The following BLK variants were observed in gnomAD, a reference collection of about 807,000 sequenced individuals.
The protein encoded by BLK is tyrosine-protein kinase Blk.
In BLK, 64 loss-of-function variants were observed where a neutral mutation model predicts 61.8. The observed-to-expected ratio is 1.03, with a 90% confidence interval of 0.85 to 1.27. BLK has a LOEUF of 1.27. BLK is among the 50% of genes most tolerant of loss of function. The pLI, the probability that BLK is intolerant of heterozygous loss-of-function variation, is 0.00. For missense variants in BLK, 853 were observed against 660.5 expected (o/e 1.29, Z -3.19); for synonymous variants, 351 against 272.0 (o/e 1.29, Z -2.86).
intron 1 of BLK, among the ~76,000 whole-genome samples, chr8:11,538,212 A>C (rs1022062284): frequency 6.6e-6 from 1 of 152,136 alleles, no homozygotes; most frequent in African/African-American, 2.4e-5. Context: ...AAACATACAC[A>C]GACTCACACC....
chr8:11,537,344 C>G (rs1006083454), intron 1 of BLK, among the ~76,000 whole-genome samples: 1 of 152,110 alleles, frequency 6.6e-6, no homozygotes, highest in African/African-American at 2.4e-5. Flanking sequence ...GCATTGTGAT[C>G]GCGACACCCA....
Position 11,564,086 on chromosome 8 carries a change from G to T in BLK, c.1496G>T (p.Arg499Leu), listed in dbSNP as rs770844410. ...VLEDFYTATERQYELQP is the reference protein window; with the variant it reads ...VLEDFYTATELQYELQP ...GAGGACTTCTACACGGCCACCGAGC[G>T]GCAGTACGAGCTGCAGCCCTAGCCG... The change falls in exon 13 of 13, where the codon CGG (arginine) becomes CTG (leucine). Residue 499 changes from arginine (R) to leucine (L), a missense_variant. Physicochemically the swap from Arg to Leu is moderately radical, Grantham distance 102. Transcript: ENST00000259089. 1.9e-6 allele frequency: 3 copies of T among 1,585,716 alleles called. No individual in the cohort carries two copies. Among genetic ancestry groups the T allele is most frequent in the Middle Eastern group, 1.7e-4 (1 of 5,960 alleles).
At chr8:11,496,435 G>A (rs1202300817) in intron 1 of BLK, among the ~76,000 whole-genome samples, 1 of 152,162 alleles carries the variant, frequency 6.6e-6, no homozygotes, top group African/African-American at 2.4e-5. Flanking sequence ...AAGAGATGGG[G>A]TCTCGCTTTG....
At position 11,554,879 on chromosome 8, in the gene BLK, G is replaced by A. The variant is rs780129239; in HGVS notation, c.609G>A (p.Gln203=). The part of the protein sequence containing the change: ...ITFPSLQALV[Q]HYSKKGDGLC... ...TCCCCTCGCTCCAGGCCCTGGTGCA[G>A]CACTATTCTAGTAAGAGGGGGCGTG... Residue 203 remains glutamine (Q), a synonymous_variant, in exon 7 of 13, where the codon CAG becomes CAA. Transcript: ENST00000259089. 1.2e-6 allele frequency: 2 copies of A among 1,613,294 alleles called. No individual in the cohort carries two copies. The highest frequency in any genetic ancestry group is 1.7e-6 in the Non-Finnish European group (2 of 1,179,980).
chr8:11,530,762 C>T (rs1335929956), intron 1 of BLK, among the ~76,000 whole-genome samples: 3 of 152,078 alleles, frequency 2.0e-5, no homozygotes, highest in Admixed American at 6.6e-5. Context: ...AAGATTTTTC[C>T]AGTTACTGAA....
In BLK at chr8:11,562,838, C is replaced by T. The variant is rs191571437; in HGVS notation, c.1181-141C>T. 8.1e-4 allele frequency: 909 copies of T among 1,129,076 alleles called. 12 individuals are homozygous for T. The South Asian group carries it at 8.6e-3, about 11-fold the overall frequency. The allele number at this position is 1,129,076 out of a possible 1,614,324, so 69.9% of individuals were successfully genotyped here. ...TCCTGGTGTGCGGTAGTGGCTCCCCCGCCATGCCTGGCCGCCCCGCCCTGT... is the reference window on the plus strand; with the variant it reads ...TCCTGGTGTGCGGTAGTGGCTCCCCTGCCATGCCTGGCCGCCCCGCCCTGT... On this transcript the variant is annotated intron_variant, in intron 11 of 12. Coordinates refer to ENST00000259089, the MANE Select transcript of BLK (RefSeq NM_001715.3).
chr8:11,508,352 C>T (rs973504570), intron 1 of BLK, among the ~76,000 whole-genome samples: 20 of 152,206 alleles, frequency 1.3e-4, no homozygotes, highest in African/African-American at 2.9e-4. Context: ...ACATGGGGCG[C>T]GTGCTAGGTG....
intron 6 of BLK, chr8:11,552,964 G>T (rs1208100005): frequency 6.5e-6 from 1 of 154,320 alleles, no homozygotes; most frequent in Non-Finnish European, 1.4e-5. Context: ...GCATACACAG[G>T]CATGTGTGCA....
chr8:11,537,878 T>G (rs768267055), intron 1 of BLK, among the ~76,000 whole-genome samples: 4 of 152,216 alleles, frequency 2.6e-5, no homozygotes, highest in Non-Finnish European at 5.9e-5. Context: ...GTTTCAGGCT[T>G]TGAGCATCTC....
intron 2 of BLK, 169 bp from the exon 3 acceptor site, chr8:11,545,883 C>A: frequency 1.3e-6 from 1 of 769,236 alleles, no homozygotes. Flanking sequence ...GAGGGTAGTG[C>A]TGGTCCCTGG....
chr8:11,561,554 C>T, intron 11 of BLK, 102 bp downstream of exon 11: 4 of 1,426,108 alleles, frequency 2.8e-6, no homozygotes, highest in African/African-American at 1.4e-5. Context: ...AGGGAAGACA[C>T]CTGAGGGCTA....
intron 2 of BLK, among the ~76,000 whole-genome samples, chr8:11,543,969 T>TA (rs1287947302): frequency 2.0e-5 from 3 of 151,834 alleles, no homozygotes; most frequent in Non-Finnish European, 2.9e-5. Context: ...AGATGCATTT[T>TA]TTTTTTTTTT....
At chr8:11,502,590 T>C (rs186149048) in intron 1 of BLK, among the ~76,000 whole-genome samples, 82 of 152,268 alleles carry the variant, frequency 5.4e-4, no homozygotes, top group Non-Finnish European at 1.0e-3. Flanking sequence ...GCCCGGCCCG[T>C]ATAGTTTTTA....
chr8:11,535,056 T>A (rs1800055613), intron 1 of BLK, among the ~76,000 whole-genome samples: 2 of 151,924 alleles, frequency 1.3e-5, no homozygotes, highest in South Asian at 4.2e-4. Flanking sequence ...CACGTGCCTG[T>A]GGTCCTAGCT....
At chr8:11,495,491 G>A (rs998683) in intron 1 of BLK, among the ~76,000 whole-genome samples, 40,117 of 152,162 alleles carry the variant, frequency 0.26, 6,658 homozygotes, top group East Asian at 0.7. Flanking sequence ...TAGCATCACC[G>A]GGAATAAGCT....
chr8:11,550,079 C>A, intron 5 of BLK, 80 bp from the exon 6 acceptor site: 3 of 1,222,926 alleles, frequency 2.5e-6, no homozygotes, highest in Non-Finnish European at 3.6e-6. Flanking sequence ...TGGGGACAGG[C>A]AGTGCAGGAG....
intron 1 of BLK, among the ~76,000 whole-genome samples, chr8:11,531,072 G>T (rs1259769731): frequency 6.6e-6 from 1 of 152,238 alleles, no homozygotes; most frequent in Middle Eastern, 3.4e-3. Flanking sequence ...TGTGGTTTTA[G>T]TTGCCATTCC....
At chr8:11,494,839 G>A (rs547844134) in intron 1 of BLK, among the ~76,000 whole-genome samples, 37 of 152,294 alleles carry the variant, frequency 2.4e-4, no homozygotes, top group African/African-American at 8.7e-4. Context: ...TTTGGAAAAG[G>A]CAGTGAATGT....
chr8:11,547,987 G>A (rs201128403), intron 3 of BLK, 45 bp from the exon 4 acceptor site: 70 of 1,554,576 alleles, frequency 4.5e-5, no homozygotes, highest in East Asian at 3.6e-4. Context: ...CCACCTTCCC[G>A]CTTGTGGGCC....
Sources: allele counts gnomAD v4.1 joint callset (sites outside exome capture counted in the v4.1 genomes callset), GRCh38; gene constraint gnomAD v4.1.1; transcripts MANE v1.5; gene names NCBI Gene and HGNC (gene_info 2026-07-23, HGNC 2026-07-21).